MIPEP: variants seen among roughly 807,000 people sequenced by gnomAD.
MIPEP encodes the protein mitochondrial intermediate peptidase.
In MIPEP, 79 loss-of-function variants were observed where a neutral mutation model predicts 90.3. The ratio of observed to expected loss-of-function variants is 0.87; its 90% CI spans 0.73 to 1.05. The LOEUF is 1.05. Among genes scored for constraint, MIPEP ranks in the 50% least tolerant of loss-of-function variants. The pLI, the probability that MIPEP is intolerant of heterozygous loss-of-function variation, is 0.00. For synonymous variants in MIPEP, 334 were observed against 315.8 expected (o/e 1.06, Z -0.61); for missense variants, 940 against 905.6 (o/e 1.04, Z -0.49).
chr13:23,747,771 C>T (rs1952399498), intron 18 of MIPEP, among the ~76,000 whole-genome samples: 2 of 152,162 alleles, frequency 1.3e-5, no homozygotes, highest in Admixed American at 6.5e-5. Flanking sequence ...GACGGGGTCT[C>T]GCTCTGTTGC....
chr13:23,750,061 T>C (rs1407061984), intron 18 of MIPEP, among the ~76,000 whole-genome samples: 3 of 149,796 alleles, frequency 2.0e-5, no homozygotes, highest in African/African-American at 4.8e-5. Flanking sequence ...GCTAAAAACC[T>C]TCCCAAGGAG....
intron 10 of MIPEP, among the ~76,000 whole-genome samples, chr13:23,855,994 C>A (rs1948468530): frequency 6.6e-6 from 1 of 152,174 alleles, no homozygotes. Context: ...CACTGGATTG[C>A]TTTTCATGGT....
chr13:23,887,533 T>C (rs1207451390), intron 1 of MIPEP, among the ~76,000 whole-genome samples: 1 of 152,184 alleles, frequency 6.6e-6, no homozygotes, highest in Non-Finnish European at 1.5e-5. Flanking sequence ...TCCATACTTC[T>C]CTATTACAAT....
At chr13:23,790,166 C>T (rs1390498561) in intron 16 of MIPEP, among the ~76,000 whole-genome samples, 1 of 152,176 alleles carries the variant, frequency 6.6e-6, no homozygotes, top group African/African-American at 2.4e-5. Flanking sequence ...CTGCCAGTTC[C>T]TTCTCCTTCA....
chr13:23,785,426 G>A (rs1288709055), intron 16 of MIPEP, among the ~76,000 whole-genome samples: 1 of 150,672 alleles, frequency 6.6e-6, no homozygotes, highest in Non-Finnish European at 1.5e-5. Context: ...ACTCACAGGT[G>A]GGAACTGAAC....
chr13:23,827,012 T>C (rs1451517162), intron 14 of MIPEP, among the ~76,000 whole-genome samples: 1 of 152,214 alleles, frequency 6.6e-6, no homozygotes, highest in Non-Finnish European at 1.5e-5. Context: ...TTAGGTATTA[T>C]AAGTAATCTA....
intron 11 of MIPEP, 43 bp from the exon 12 acceptor site, chr13:23,839,769 G>A (rs1318371756): frequency 2.8e-6 from 4 of 1,412,044 alleles, no homozygotes; most frequent in Non-Finnish European, 4.0e-6. Flanking sequence ...GAGGCCATCT[G>A]ATTCTCTAAA....
In MIPEP at chr13:23,889,135, G is replaced by A; in HGVS notation, c.186C>T (p.Arg62=). The A allele has an allele frequency of 7.0e-7, 1 of 1,419,980 alleles. No individual in the cohort carries two copies. The highest frequency in any genetic ancestry group is 1.5e-5 in the South Asian group (1 of 65,956). The allele number at this position is 1,419,980 out of a possible 1,614,324, so 88.0% of individuals were successfully genotyped here. The part of the protein sequence containing the change: ...QGSRLDLFGE[R]RGLFGVPELS... ...GAGCTCCTCCTGCGCCGCTCACCCGGCGCTCGCCGAACAGGTCCAAGCGGC... is the reference window on the plus strand; with the variant it reads ...GAGCTCCTCCTGCGCCGCTCACCCGACGCTCGCCGAACAGGTCCAAGCGGC... Residue 62 remains arginine (R), a synonymous_variant, in exon 1 of 19, where the codon CGC becomes CGT. Coordinates refer to ENST00000382172, the MANE Select transcript of MIPEP (RefSeq NM_005932.4).
At chr13:23,869,223 A>G in intron 7 of MIPEP, 69 bp downstream of exon 7, 1 of 1,361,320 alleles carries the variant, frequency 7.3e-7, no homozygotes, top group Non-Finnish European at 9.9e-7. Context: ...ATTTACAGCT[A>G]TTTAAAATCA....
At chr13:23,867,837 C>T (rs1351477568) in intron 7 of MIPEP, among the ~76,000 whole-genome samples, 1 of 152,032 alleles carries the variant, frequency 6.6e-6, no homozygotes, top group East Asian at 1.9e-4. Context: ...GATTCCTTAT[C>T]TGTGACACGA....
chr13:23,838,416 G>A (rs57531399), intron 12 of MIPEP, among the ~76,000 whole-genome samples: 3,272 of 152,064 alleles, frequency 0.022, 126 homozygotes, highest in African/African-American at 0.075. Context: ...CTAAAGTTCT[G>A]GGATTACAGG....
intron 1 of MIPEP, chr13:23,888,024 C>A: frequency 2.5e-6 from 1 of 401,056 alleles, no homozygotes; most frequent in Non-Finnish European, 4.8e-6. Context: ...TGCTAAAAAA[C>A]TGAATAAGGC....
chr13:23,749,803 C>A (rs1952421223), intron 18 of MIPEP, among the ~76,000 whole-genome samples: 1 of 152,144 alleles, frequency 6.6e-6, no homozygotes, highest in African/African-American at 2.4e-5. Flanking sequence ...GCACTACCTG[C>A]CTTAAAAATA....
rs114951913 is a variant in MIPEP at position 23,791,511 on chromosome 13, T to C, written c.1848+14439A>G. ...TTCCACAACACCATCTACCCACTGC[T>C]TGCATCTTTGTTCACACACCCTAAA... On this transcript the variant is annotated intron_variant, in intron 16 of 18. Coordinates refer to ENST00000382172, the MANE Select transcript of MIPEP (RefSeq NM_005932.4). Among the ~76,000 whole-genome samples, 698 of 152,290 alleles carry C rather than the reference T, an allele frequency of 4.6e-3. 3 individuals carry two copies. The highest frequency in any genetic ancestry group is 0.016 in the African/African-American group (645 of 41,572).
chr13:23,758,284 G>T (rs908654890), intron 17 of MIPEP, among the ~76,000 whole-genome samples: 33 of 152,140 alleles, frequency 2.2e-4, no homozygotes, highest in African/African-American at 8.0e-4. Flanking sequence ...GCAATGCCTG[G>T]CTTTCTGATG....
At chr13:23,855,280 C>T (rs1388409747) in intron 10 of MIPEP, among the ~76,000 whole-genome samples, 1 of 152,132 alleles carries the variant, frequency 6.6e-6, no homozygotes, top group African/African-American at 2.4e-5. Flanking sequence ...TGCTGACAGT[C>T]ACTTATACTA....
chr13:23,873,698 GA>G (rs1870932632), intron 5 of MIPEP, among the ~76,000 whole-genome samples: 1 of 152,210 alleles, frequency 6.6e-6, no homozygotes, highest in South Asian at 2.1e-4. Context: ...ACAATGCAAG[GA>G]CTTGGTTAGA....
chr13:23,735,410 CG>C (rs1952251794), intron 18 of MIPEP, among the ~76,000 whole-genome samples: 1 of 152,084 alleles, frequency 6.6e-6, no homozygotes, highest in South Asian at 2.1e-4. Flanking sequence ...CATGACTGGT[CG>C]TTTATAACTA....
intron 14 of MIPEP, among the ~76,000 whole-genome samples, chr13:23,813,197 G>A (rs1953194082): frequency 6.6e-6 from 1 of 151,854 alleles, no homozygotes; most frequent in Non-Finnish European, 1.5e-5. Context: ...AATAAACAAC[G>A]TTTCAAAATT....
Sources: allele counts gnomAD v4.1 joint callset (sites outside exome capture counted in the v4.1 genomes callset), GRCh38; gene constraint gnomAD v4.1.1; transcripts MANE v1.5; gene names NCBI Gene and HGNC (gene_info 2026-07-23, HGNC 2026-07-21).